The following RAB38 variants were observed in gnomAD, a reference collection of about 807,000 sequenced individuals.
RAB38 encodes the protein RAB38, member RAS oncogene family.
Under a neutral mutation model 18.4 loss-of-function variants are expected in RAB38, and 15 were observed. The observed-to-expected ratio is 0.82, with a 90% CI of 0.55 to 1.26. RAB38 has a LOEUF of 1.26. Among genes scored for constraint, RAB38 ranks in the 50% most tolerant of loss-of-function variants. The pLI is 0.00. For synonymous variants in RAB38, 101 were observed against 104.4 expected (o/e 0.97, Z 0.20); for missense variants, 294 against 267.4 (o/e 1.10, Z -0.69).
At chr11:88,076,898 G>A in the RAB38 span, among the ~76,000 whole-genome samples, 1 of 145,352 alleles carries the variant, frequency 6.9e-6, no homozygotes, top group Middle Eastern at 3.7e-3. Context: ...AGCGGAGGTT[G>A]CAGTGAGCCA....
chr11:87,871,868 C>T, the RAB38 span, among the ~76,000 whole-genome samples: 45,112 of 151,390 alleles, frequency 0.3, 8,646 homozygotes, highest in African/African-American at 0.53. Flanking sequence ...TTACATTCCA[C>T]TGAATGAACA....
At chr11:88,049,140 C>T in the RAB38 span, among the ~76,000 whole-genome samples, 1 of 152,124 alleles carries the variant, frequency 6.6e-6, no homozygotes, top group Admixed American at 6.5e-5. Context: ...CGCCCATTAT[C>T]TCTCCATACC....
chr11:88,148,003 G>A (rs542852981), intron 2 of RAB38, among the ~76,000 whole-genome samples: 2 of 152,286 alleles, frequency 1.3e-5, no homozygotes, highest in South Asian at 4.2e-4. Flanking sequence ...CTTACAGCAA[G>A]AAATCCTTCA....
At chr11:87,879,840 G>T in the RAB38 span, 5 of 151,578 alleles carry the variant, frequency 3.3e-5, no homozygotes, top group South Asian at 2.1e-4. Flanking sequence ...ACATTGTAAA[G>T]AAATAAATGC....
the RAB38 span, among the ~76,000 whole-genome samples, chr11:87,819,796 G>A: frequency 2.1e-5 from 3 of 146,234 alleles, no homozygotes; most frequent in Non-Finnish European, 4.5e-5. Context: ...ATATATGTGT[G>A]TGTGTATATA....
At chr11:88,121,031 C>T (rs1287440661) in intron 2 of RAB38, among the ~76,000 whole-genome samples, 2 of 152,154 alleles carry the variant, frequency 1.3e-5, no homozygotes, top group Admixed American at 6.6e-5. Flanking sequence ...AGGGAATATG[C>T]TATTATAGAA....
At chr11:87,912,767 T>TTTC in the RAB38 span, among the ~76,000 whole-genome samples, 1 of 129,218 alleles carries the variant, frequency 7.7e-6, no homozygotes, top group African/African-American at 3.7e-5. Flanking sequence ...TCTTTCTTTC[T>TTTC]TTTTTTTTTT....
At chr11:87,918,959 A>G in the RAB38 span, among the ~76,000 whole-genome samples, 2 of 151,340 alleles carry the variant, frequency 1.3e-5, no homozygotes, top group Admixed American at 6.6e-5. Flanking sequence ...GCCCAAAAAC[A>G]TGACATGAAG....
Position 88,122,479 on chromosome 11 carries a change from G to T in RAB38, c.484-8339C>A, listed in dbSNP as rs1398718975. 3.3e-5 allele frequency among the ~76,000 whole-genome samples: 5 copies of T among 152,276 alleles called. No homozygotes were observed. The East Asian group carries it at 9.6e-4, about 29-fold the overall frequency. ...AGTTCAACTACTTTCTCATTAATCAGCTTGAAAAGATAAATGGTCAACCAG... is the reference window on the plus strand; with the variant it reads ...AGTTCAACTACTTTCTCATTAATCATCTTGAAAAGATAAATGGTCAACCAG... On this transcript the variant is annotated intron_variant, in intron 2 of 2. Coordinates refer to ENST00000243662, the MANE Select transcript of RAB38 (RefSeq NM_022337.3).
chr11:88,022,591 G>C, the RAB38 span, among the ~76,000 whole-genome samples: 454 of 53,544 alleles, frequency 8.5e-3, 1 homozygote, highest in African/African-American at 0.035. Context: ...TTCTGTATTT[G>C]GAAAAACCTA....
chr11:87,912,838 T>C, the RAB38 span, among the ~76,000 whole-genome samples: 1 of 149,380 alleles, frequency 6.7e-6, no homozygotes, highest in African/African-American at 2.5e-5. Context: ...CACTATAGTA[T>C]TTTTCTTTAT....
At chr11:88,145,399 G>A (rs1489338673) in intron 2 of RAB38, among the ~76,000 whole-genome samples, 1 of 151,932 alleles carries the variant, frequency 6.6e-6, no homozygotes, top group Non-Finnish European at 1.5e-5. Flanking sequence ...CACTTGCCTC[G>A]GCCTCCCAAA....
the RAB38 span, among the ~76,000 whole-genome samples, chr11:88,026,893 T>A: frequency 1.3e-5 from 2 of 152,122 alleles, no homozygotes; most frequent in Admixed American, 1.3e-4. Flanking sequence ...AATCTCGAGA[T>A]AACAAAGCTG....
At chr11:88,041,407 T>C in the RAB38 span, among the ~76,000 whole-genome samples, 2 of 152,212 alleles carry the variant, frequency 1.3e-5, no homozygotes, top group African/African-American at 4.8e-5. Flanking sequence ...TAAATAATAA[T>C]TAGATAACAC....
the RAB38 span, among the ~76,000 whole-genome samples, chr11:88,007,010 A>C: frequency 6.6e-6 from 1 of 151,866 alleles, no homozygotes; most frequent in Non-Finnish European, 1.5e-5. Flanking sequence ...AGAAATAATA[A>C]ATTTCTCACA....
chr11:88,167,370 A>G (rs1364350060), intron 1 of RAB38: 1 of 152,180 alleles, frequency 6.6e-6, no homozygotes, highest in Non-Finnish European at 1.5e-5. Context: ...GTCATGCTAA[A>G]AAGTTCAGCC....
the RAB38 span, among the ~76,000 whole-genome samples, chr11:88,090,142 CCCTT>C: frequency 6.6e-6 from 1 of 151,944 alleles, no homozygotes; most frequent in Non-Finnish European, 1.5e-5. Context: ...CTTCTCATTT[CCCTT>C]CCTTTTCACA....
chr11:87,896,796 T>C, the RAB38 span, among the ~76,000 whole-genome samples: 1 of 151,542 alleles, frequency 6.6e-6, no homozygotes, highest in Non-Finnish European at 1.5e-5. Flanking sequence ...ATAAGTTTCG[T>C]TGTGAATATT....
the RAB38 span, among the ~76,000 whole-genome samples, chr11:87,925,376 G>A: frequency 1.3e-5 from 2 of 152,008 alleles, no homozygotes. Context: ...CCATGTACCA[G>A]GCATTGTGCT....
Sources: gnomAD v4.1 joint callset for allele counts (sites outside exome capture counted in the v4.1 genomes callset) on GRCh38, gnomAD v4.1.1 for gene constraint, MANE v1.5 for transcripts, NCBI Gene and HGNC (gene_info 2026-07-23, HGNC 2026-07-21) for gene names.